The following ZNF250 variants were observed in gnomAD, a reference collection of about 807,000 sequenced individuals.
ZNF250 encodes zinc finger protein 250.
ZNF250 carries 13 observed loss-of-function variants against 37.1 expected under a neutral mutation model. The ratio of observed to expected loss-of-function variants is 0.35; its 90% CI spans 0.23 to 0.56. The LOEUF is 0.56. Among genes scored for constraint, ZNF250 ranks in the 20% least tolerant of loss-of-function variants. The pLI is 0.87. For synonymous variants in ZNF250, 251 were observed against 265.6 expected (o/e 0.94, Z 0.54); for missense variants, 474 against 697.9 (o/e 0.68, Z 3.61).
chr8:144,891,950 AG>A lies in ZNF250; in HGVS notation c.-54-1548del, dbSNP rs1418761713. ...TAAGGCAGGAGAATCACTTGAACCC[AG>A]GATGTGGAGGTTGCAGTGAGCTGAG... is the stretch of plus-strand genomic sequence containing the variant. On this transcript the variant is annotated intron_variant, in intron 1 of 5. Transcript: ENST00000417550. This position sits in a 1 kb window ranked among gnomAD's most constrained non-coding sequence, Gnocchi z 4.0. Among the ~76,000 whole-genome samples the A allele has an allele frequency of 3.3e-5, 5 of 152,234 alleles. No individual in the cohort carries two copies. The highest frequency in any genetic ancestry group is 7.3e-5 in the Non-Finnish European group (5 of 68,044).
intron 4 of ZNF250, 31 bp from the exon 5 acceptor site, chr8:144,886,933 A>C: frequency 6.3e-7 from 1 of 1,596,926 alleles, no homozygotes; most frequent in Non-Finnish European, 8.6e-7. Context: ...TGAAGTGACA[A>C]CAAAATACTC....
rs1832289903 is a variant in ZNF250 at position 144,890,935 on chromosome 8, G to C, written c.-54-532C>G. The stretch of plus-strand genomic sequence containing the variant: ...CCCAATGTGGCACCAGGTTCAACCA[G>C]GTATTTGAAGGGGAGGCATGGAAGT... On this transcript the variant is annotated intron_variant, in intron 1 of 5. Transcript: ENST00000417550. This position sits in a 1 kb window ranked among gnomAD's most constrained non-coding sequence, Gnocchi z 5.1. Among the ~76,000 whole-genome samples, 1 of 152,160 alleles carries C rather than the reference G, an allele frequency of 6.6e-6. No individual in the cohort carries two copies. The highest frequency in any genetic ancestry group is 1.5e-5 in the Non-Finnish European group (1 of 68,036).
chr8:144,900,298 T>A (rs1286458966), intron 1 of ZNF250, among the ~76,000 whole-genome samples: 2 of 151,762 alleles, frequency 1.3e-5, no homozygotes, highest in African/African-American at 4.8e-5. Flanking sequence ...GAAGACAAGT[T>A]ACGAACTGAA....
At chr8:144,883,745 G>A (rs1205339849) in intron 5 of ZNF250, among the ~76,000 whole-genome samples, 1 of 152,192 alleles carries the variant, frequency 6.6e-6, no homozygotes, top group Non-Finnish European at 1.5e-5. Context: ...GCCAAGTTTA[G>A]GCCACAGATG....
At chr8:144,899,548 A>T (rs1742292842) in intron 1 of ZNF250, among the ~76,000 whole-genome samples, 1 of 152,208 alleles carries the variant, frequency 6.6e-6, no homozygotes, top group Non-Finnish European at 1.5e-5. Context: ...TAATAAAAAT[A>T]CAGGTATATT....
Position 144,882,191 on chromosome 8 carries a change from TCCCCAGTGTGTA to T in ZNF250, c.980_991del (p.Val327_Gly330del). 1.2e-6 allele frequency: 2 copies of T among 1,614,150 alleles called. No homozygotes were observed. The highest frequency in any genetic ancestry group is 1.7e-6 in the Non-Finnish European group (2 of 1,180,018). ...ACACTCATTGCACCTGTGAGGCTTC[TCCCCAGTGTGTA>T]CCCTCTGGTGGCTCCGCAGAACAGT... On this transcript the variant is annotated inframe_deletion, in exon 6 of 6. Coordinates refer to ENST00000417550, the MANE Select transcript of ZNF250 (RefSeq NM_001109689.4). The surrounding 1 kb of genome is among the most constrained non-coding windows in gnomAD (Gnocchi z 5.5).
rs529138697 is a variant in ZNF250 at position 144,900,907 on chromosome 8, C to T, written c.-55+492G>A. ...CTCCCCACCCCTTTCCGGGCCCATC[C>T]CAGGGGACGCGAGACCCCGAGGAGC... On this transcript the variant is annotated intron_variant, in intron 1 of 5. Transcript: ENST00000417550. Among the ~76,000 whole-genome samples the T allele has an allele frequency of 7.9e-5, 12 of 152,346 alleles. No individual in the cohort carries two copies. The East Asian group carries it at 2.3e-3, about 29-fold the overall frequency.
At chr8:144,884,548 G>A (rs1230046229) in intron 5 of ZNF250, among the ~76,000 whole-genome samples, 1 of 152,142 alleles carries the variant, frequency 6.6e-6, no homozygotes, top group African/African-American at 2.4e-5. Flanking sequence ...CACGGCGCCC[G>A]GTCCTGAATT....
intron 1 of ZNF250, among the ~76,000 whole-genome samples, chr8:144,894,397 A>C (rs138641718): frequency 0.012 from 1,771 of 152,092 alleles, 43 homozygotes; most frequent in African/African-American, 0.041. Context: ...TCCTATGGGC[A>C]TGCCCCAAAC....
rs1275067113 is a variant in ZNF250 at position 144,890,386 on chromosome 8, T to C, written c.-37A>G. The C allele has an allele frequency of 6.8e-7, 1 of 1,461,092 alleles. No individual in the cohort carries two copies. The highest frequency in any genetic ancestry group is 1.4e-5 in the African/African-American group (1 of 70,522). The allele number at this position is 1,461,092 out of a possible 1,614,324, so 90.5% of individuals were successfully genotyped here. ...CTGGGGACTCCGAGGATCACGGAAA[T>C]TGAAGGAGCCTATGGGGCTGAGGAA... On this transcript the variant is annotated 5_prime_UTR_variant, in exon 2 of 6. Coordinates refer to ENST00000417550, the MANE Select transcript of ZNF250 (RefSeq NM_001109689.4). This position sits in a 1 kb window ranked among gnomAD's most constrained non-coding sequence, Gnocchi z 5.1.
At chr8:144,894,105 C>G (rs1832543596) in intron 1 of ZNF250, among the ~76,000 whole-genome samples, 1 of 152,118 alleles carries the variant, frequency 6.6e-6, no homozygotes, top group African/African-American at 2.4e-5. Flanking sequence ...AGCACCCCCT[C>G]TACCATCATT....
At chr8:144,884,540 C>T (rs1005825474) in intron 5 of ZNF250, among the ~76,000 whole-genome samples, 8 of 152,334 alleles carry the variant, frequency 5.3e-5, no homozygotes, top group African/African-American at 7.2e-5. Context: ...GCAGGAGCCA[C>T]GGCGCCCGGT....
intron 5 of ZNF250, 41 bp downstream of exon 5, chr8:144,886,799 C>T: frequency 6.3e-7 from 1 of 1,581,746 alleles, no homozygotes; most frequent in East Asian, 2.2e-5. Flanking sequence ...TTAACACCTT[C>T]AGAGATTGTA....
At chr8:144,889,830 A>G in intron 3 of ZNF250, 103 bp downstream of exon 3, 1 of 1,482,486 alleles carries the variant, frequency 6.7e-7, no homozygotes, top group Non-Finnish European at 9.0e-7. Context: ...AGGTGATGAG[A>G]GCAAACCTCC....
intron 1 of ZNF250, among the ~76,000 whole-genome samples, chr8:144,893,491 C>T (rs439411): frequency 1.3e-4 from 20 of 152,136 alleles, no homozygotes; most frequent in African/African-American, 4.6e-4. Context: ...CCTCCATGCC[C>T]GGCTAATTTT....
chr8:144,891,943 T>C lies in ZNF250; in HGVS notation c.-54-1540A>G, dbSNP rs1378121001. Among the ~76,000 whole-genome samples, 1 of 152,196 alleles carries C rather than the reference T, an allele frequency of 6.6e-6. No homozygotes were observed. The highest frequency in any genetic ancestry group is 2.4e-5 in the African/African-American group (1 of 41,450). On this transcript the variant is annotated intron_variant, in intron 1 of 5. Coordinates refer to ENST00000417550, the MANE Select transcript of ZNF250 (RefSeq NM_001109689.4). This position sits in a 1 kb window ranked among gnomAD's most constrained non-coding sequence, Gnocchi z 4.0. ...AGGAGGCTAAGGCAGGAGAATCACTTGAACCCAGGATGTGGAGGTTGCAGT... is the reference window on the plus strand; with the variant it reads ...AGGAGGCTAAGGCAGGAGAATCACTCGAACCCAGGATGTGGAGGTTGCAGT...
intron 1 of ZNF250, chr8:144,895,311 G>C (rs1398142367): frequency 1.3e-5 from 2 of 152,198 alleles, no homozygotes; most frequent in African/African-American, 4.8e-5. Flanking sequence ...AGCATGCAGG[G>C]GAAAATCTCA....
chr8:144,890,360 C>T lies in ZNF250; in HGVS notation c.-11G>A, dbSNP rs1258212042. 2.7e-6 allele frequency: 4 copies of T among 1,488,384 alleles called. No homozygotes were observed. Among genetic ancestry groups the T allele is most frequent in the South Asian group, 2.9e-5 (2 of 69,568 alleles). 92.2% of individuals were successfully genotyped at this position (1,488,384 alleles called of 1,614,324 possible). On this transcript the variant is annotated 5_prime_UTR_variant, in exon 2 of 6. Coordinates refer to ENST00000417550, the MANE Select transcript of ZNF250 (RefSeq NM_001109689.4). The surrounding 1 kb of genome is among the most constrained non-coding windows in gnomAD (Gnocchi z 5.1). ...TCTGGCTGCTGCCATCACCTGGTCT[C>T]CTGGGGACTCCGAGGATCACGGAAA...
chr8:144,886,195 GCA>G (rs1370645966), intron 5 of ZNF250, among the ~76,000 whole-genome samples: 1 of 151,844 alleles, frequency 6.6e-6, no homozygotes, highest in Non-Finnish European at 1.5e-5. Flanking sequence ...CACAGGCCAG[GCA>G]CAGTGGCTCA....
Sources: gnomAD v4.1 joint callset for allele counts (sites outside exome capture counted in the v4.1 genomes callset) on GRCh38, gnomAD v4.1.1 for gene constraint, Gnocchi (gnomAD v3.1) non-coding constraint, MANE v1.5 for transcripts, NCBI Gene and HGNC (gene_info 2026-07-23, HGNC 2026-07-21) for gene names.